The following CUX1 variants were observed in gnomAD, a reference collection of about 807,000 sequenced individuals.
CUX1 encodes the protein protein CASP.
CUX1 carries 31 observed loss-of-function variants against 158.8 expected under a neutral mutation model. The observed-to-expected ratio is 0.20, with a 90% CI of 0.15 to 0.26. The LOEUF is 0.26. Among genes scored for constraint, CUX1 ranks in the 10% least tolerant of loss-of-function variants. The pLI is 1.00. For synonymous variants in CUX1, 879 were observed against 862.1 expected (o/e 1.02, Z -0.34); for missense variants, 1,589 against 2,014.6 (o/e 0.79, Z 4.04).
At chr7:101,989,969 C>G (rs1011173793) in intron 2 of CUX1, among the ~76,000 whole-genome samples, 4 of 152,250 alleles carry the variant, frequency 2.6e-5, no homozygotes, top group Non-Finnish European at 5.9e-5. Context: ...AATTGATAGC[C>G]TCACCACAGT....
intron 23 of CUX1, among the ~76,000 whole-genome samples, chr7:102,244,999 G>A (rs187458776): frequency 6.6e-6 from 1 of 152,320 alleles, no homozygotes; most frequent in African/African-American, 2.4e-5. Context: ...GCCAGGCACT[G>A]AGCCAAAAAG....
chr7:102,028,029 C>T, intron 2 of CUX1, 69 bp from the exon 3 acceptor site: 1 of 1,551,522 alleles, frequency 6.4e-7, no homozygotes, highest in Admixed American at 1.7e-5. Context: ...TTTTAGGAGG[C>T]CTTAACCAAT....
At chr7:101,828,671 G>A (rs1793657775) in intron 1 of CUX1, among the ~76,000 whole-genome samples, 3 of 150,936 alleles carry the variant, frequency 2.0e-5, no homozygotes, top group Non-Finnish European at 2.9e-5. Flanking sequence ...GCTCCAGGTC[G>A]GCCCCATTTC....
intron 3 of CUX1, among the ~76,000 whole-genome samples, chr7:102,057,579 T>C (rs1824306250): frequency 6.6e-6 from 1 of 151,838 alleles, no homozygotes; most frequent in Non-Finnish European, 1.5e-5. Flanking sequence ...CTTTGAGGGG[T>C]TCAAGGCTTC....
rs146816181 is a variant in CUX1, at chr7:102,251,589, T to G, written c.*2547T>G. 3.1e-5 allele frequency: 31 copies of G among 985,366 alleles called. 1 individual carries two copies. In the East Asian group the frequency reaches 2.0e-3, roughly 65 times the overall value. The allele number at this position is 985,366 out of a possible 1,614,324, so 61.0% of individuals were successfully genotyped here. On this transcript the variant is annotated 3_prime_UTR_variant, in exon 24 of 24. Coordinates refer to ENST00000292535, the MANE Select transcript of CUX1 (RefSeq NM_181552.4). The stretch of plus-strand genomic sequence containing the variant: ...AGTTCAGGGAGAAGAGAATTCAAAA[T>G]TAGAGGAGCTTAAGGGGACACGGGT...
At chr7:102,259,909 A>C (rs1554543285), downstream of CUX1, among the ~76,000 whole-genome samples, 2 of 151,886 alleles carry the variant, frequency 1.3e-5, no homozygotes, top group Non-Finnish European at 2.9e-5. Flanking sequence ...CAGCCTGGGC[A>C]ACATAGTGAG....
At chr7:102,076,816 T>C (rs1401751169) in intron 4 of CUX1, among the ~76,000 whole-genome samples, 1 of 151,980 alleles carries the variant, frequency 6.6e-6, no homozygotes, top group Non-Finnish European at 1.5e-5. Flanking sequence ...CCTGAATTAC[T>C]TGAGCCCAGG....
chr7:102,251,280 T>C lies in CUX1; in HGVS notation c.*2238T>C. ...GGAGGGAGTTATAATTTTAAAGGTA[T>C]GCTCTGGCTGTTCCACCTCCGTGTG... On this transcript the variant is annotated 3_prime_UTR_variant, in exon 24 of 24. Coordinates refer to ENST00000292535, the MANE Select transcript of CUX1 (RefSeq NM_181552.4). The C allele has an allele frequency of 1.0e-6, 1 of 985,302 alleles. No individual in the cohort carries two copies. The highest frequency in any genetic ancestry group is 1.2e-6 in the Non-Finnish European group (1 of 829,822). 61.0% of individuals were successfully genotyped at this position (985,302 alleles called of 1,614,324 possible).
At chr7:102,215,384 GT>G (rs1239904219) in intron 20 of CUX1, among the ~76,000 whole-genome samples, 2 of 152,016 alleles carry the variant, frequency 1.3e-5, no homozygotes, top group African/African-American at 4.8e-5. Flanking sequence ...ATTACTGAGT[GT>G]TTCTCCTGAG....
chr7:102,026,897 C>G (rs1367472880), intron 2 of CUX1, among the ~76,000 whole-genome samples: 1 of 148,764 alleles, frequency 6.7e-6, no homozygotes, highest in Non-Finnish European at 1.5e-5. Flanking sequence ...TTAGTCGAGT[C>G]TTTTCAAAGT....
chr7:101,909,592 T>G (rs112018230), intron 1 of CUX1, among the ~76,000 whole-genome samples: 23 of 152,374 alleles, frequency 1.5e-4, no homozygotes, highest in African/African-American at 5.3e-4. Flanking sequence ...TTTTTTTCAC[T>G]AGCAAAACCA....
At chr7:101,973,764 C>CTT in intron 2 of CUX1, among the ~76,000 whole-genome samples, 1 of 149,096 alleles carries the variant, frequency 6.7e-6, no homozygotes, top group African/African-American at 2.5e-5. Flanking sequence ...TTTTCTTTTT[C>CTT]TTTTTCTTTT....
chr7:101,880,003 G>A lies in CUX1; in HGVS notation c.31-36112G>A, dbSNP rs553171526. On this transcript the variant is annotated intron_variant, in intron 1 of 23. Transcript: ENST00000292535. ...GAAAGGTGGCTTTGCTGGGGGCTGG[G>A]GGAGAGGAGGCGTTTTTGGATCGCA... 1.6e-4 allele frequency among the ~76,000 whole-genome samples: 25 copies of A among 152,316 alleles called. No individual in the cohort carries two copies. The South Asian group carries it at 4.1e-3, about 25-fold the overall frequency.
intron 8 of CUX1, among the ~76,000 whole-genome samples, chr7:102,119,739 G>T (rs1008165118): frequency 1.3e-5 from 2 of 151,996 alleles, no homozygotes; most frequent in Non-Finnish European, 2.9e-5. Flanking sequence ...TAGAGTCAGG[G>T]TCTCACTGTG....
At chr7:101,898,738 G>A (rs1437222235) in intron 1 of CUX1, among the ~76,000 whole-genome samples, 2 of 151,832 alleles carry the variant, frequency 1.3e-5, no homozygotes, top group Admixed American at 6.6e-5. Flanking sequence ...TTACAGGCAC[G>A]CACCACCACA....
rs1795498000 is a variant in CUX1, at chr7:102,201,979, G to A, written c.2682G>A (p.Glu894=). ...SAESPYSQSS[E]LSLTGASRSE... ...AGTCCCCATACTCCCAGAGCTCAGA[G>A]CTGAGTCTGACCGGGGCCAGCCGCA... The change falls in exon 18 of 24, where the codon GAG becomes GAA. Residue 894 remains glutamate, a synonymous_variant. Transcript: ENST00000292535. The surrounding 1 kb of genome is among the most constrained non-coding windows in gnomAD (Gnocchi z 5.0). 3 of 1,613,952 alleles carry A rather than the reference G, an allele frequency of 1.9e-6. No homozygotes were observed. In the South Asian group the frequency reaches 3.3e-5, roughly 18 times the overall value.
At chr7:101,818,633 T>C (rs1270123349) in intron 1 of CUX1, among the ~76,000 whole-genome samples, 1 of 152,246 alleles carries the variant, frequency 6.6e-6, no homozygotes, top group Non-Finnish European at 1.5e-5. Flanking sequence ...TTATTTGAAC[T>C]TCATTCCTCT....
intron 4 of CUX1, among the ~76,000 whole-genome samples, chr7:102,094,017 T>C (rs969719591): frequency 5.3e-5 from 8 of 152,234 alleles, no homozygotes; most frequent in Non-Finnish European, 1.2e-4. Context: ...TTAAATGGCA[T>C]TGGAAATCAT....
chr7:102,133,668 G>T (rs1833575225), intron 8 of CUX1, among the ~76,000 whole-genome samples: 2 of 151,794 alleles, frequency 1.3e-5, no homozygotes, highest in South Asian at 4.2e-4. Context: ...GTAGAGACAG[G>T]GTTTCACCAT....
Sources: gnomAD v4.1 joint callset for allele counts (sites outside exome capture counted in the v4.1 genomes callset) on GRCh38, gnomAD v4.1.1 for gene constraint, Gnocchi (gnomAD v3.1) non-coding constraint, MANE v1.5 for transcripts, NCBI Gene and HGNC (gene_info 2026-07-23, HGNC 2026-07-21) for gene names.